The following SLC71A2 variants were observed in gnomAD, a reference collection of about 807,000 sequenced individuals.
SLC71A2 encodes the protein hippocampus abundant transcript-like 1.
chr9:94,439,025 T>G, the SLC71A2 span, among the ~76,000 whole-genome samples: 3 of 130,320 alleles, frequency 2.3e-5, no homozygotes, highest in East Asian at 4.3e-4. Context: ...TGAGTTCGTT[T>G]TTTTTTTTTT....
chr9:94,431,749 A>G, the SLC71A2 span, among the ~76,000 whole-genome samples: 8 of 149,786 alleles, frequency 5.3e-5, no homozygotes, highest in African/African-American at 2.0e-4. Flanking sequence ...TTTAATTTGG[A>G]CCACCCCCAC....
At chr9:94,407,839 A>G in the SLC71A2 span, among the ~76,000 whole-genome samples, 6 of 152,300 alleles carry the variant, frequency 3.9e-5, no homozygotes, top group African/African-American at 1.2e-4. Flanking sequence ...ATAAAAATTC[A>G]TAAGTTTTAA....
chr9:94,453,988 T>A, the SLC71A2 span: 7 of 1,613,988 alleles, frequency 4.3e-6, no homozygotes, highest in South Asian at 1.1e-5. Context: ...GATGAGATCA[T>A]TAGGAAATAA....
chr9:94,445,672 C>G, the SLC71A2 span, among the ~76,000 whole-genome samples: 8 of 152,056 alleles, frequency 5.3e-5, no homozygotes, highest in African/African-American at 1.9e-4. Flanking sequence ...CTTTTCCACC[C>G]CCTTCTTTTT....
chr9:94,378,499 A>T, the SLC71A2 span, among the ~76,000 whole-genome samples: 26 of 151,964 alleles, frequency 1.7e-4, no homozygotes, highest in Non-Finnish European at 2.9e-4. Flanking sequence ...GTGATGGTGC[A>T]TACCTGTAGT....
chr9:94,408,558 C>T, the SLC71A2 span, among the ~76,000 whole-genome samples: 3 of 152,036 alleles, frequency 2.0e-5, no homozygotes, highest in African/African-American at 7.2e-5. Context: ...TTTATATTTT[C>T]TGTTTCTTCA....
the SLC71A2 span, among the ~76,000 whole-genome samples, chr9:94,415,469 AT>A: frequency 6.6e-6 from 1 of 151,730 alleles, no homozygotes; most frequent in South Asian, 2.1e-4. Flanking sequence ...CTGCACTCTT[AT>A]TGAAGTAAAC....
chr9:94,425,173 G>T, the SLC71A2 span, among the ~76,000 whole-genome samples: 9 of 151,952 alleles, frequency 5.9e-5, no homozygotes, highest in African/African-American at 1.9e-4. Flanking sequence ...GCATGGTGAC[G>T]CACTCCTGTA....
chr9:94,441,179 A>G, the SLC71A2 span: 84 of 723,428 alleles, frequency 1.2e-4, no homozygotes, highest in Non-Finnish European at 1.7e-4. Flanking sequence ...AAGTGAGTTT[A>G]TTAGTCCTTT....
chr9:94,424,726 GCTTTT>G, the SLC71A2 span, among the ~76,000 whole-genome samples: 1 of 84,906 alleles, frequency 1.2e-5, no homozygotes, highest in African/African-American at 5.9e-5. Flanking sequence ...ATTGTTTTCT[GCTTTT>G]TTTTTTTTTT....
the SLC71A2 span, among the ~76,000 whole-genome samples, chr9:94,413,601 A>G: frequency 1.3e-4 from 19 of 145,558 alleles, 1 homozygote; most frequent in East Asian, 3.1e-3. Flanking sequence ...AGCACTTTGC[A>G]GTAAGCTGAG....
chr9:94,421,999 G>T, the SLC71A2 span, among the ~76,000 whole-genome samples: 1 of 151,966 alleles, frequency 6.6e-6, no homozygotes, highest in Non-Finnish European at 1.5e-5. Flanking sequence ...CAGCAGCTCC[G>T]CCTCCTGGGT....
At chr9:94,455,649 TTTTC>T in the SLC71A2 span, among the ~76,000 whole-genome samples, 1 of 152,192 alleles carries the variant, frequency 6.6e-6, no homozygotes, top group Non-Finnish European at 1.5e-5. Flanking sequence ...CATGTGAGGT[TTTTC>T]TTTTTCAGTA....
the SLC71A2 span, among the ~76,000 whole-genome samples, chr9:94,377,176 A>G: frequency 6.6e-6 from 1 of 151,098 alleles, no homozygotes; most frequent in Admixed American, 6.6e-5. Context: ...AGTACCCCTG[A>G]ATTATGTGTT....
At chr9:94,400,695 C>G in the SLC71A2 span, among the ~76,000 whole-genome samples, 1 of 152,112 alleles carries the variant, frequency 6.6e-6, no homozygotes, top group African/African-American at 2.4e-5. Context: ...ATTCTGCGTT[C>G]CATCCTGGGA....
chr9:94,420,561 A>AT, the SLC71A2 span, among the ~76,000 whole-genome samples: 12 of 149,536 alleles, frequency 8.0e-5, no homozygotes, highest in African/African-American at 2.0e-4. Context: ...AAGTCTGACA[A>AT]TTTTTTTTTC....
chr9:94,411,749 C>G, the SLC71A2 span, among the ~76,000 whole-genome samples: 13 of 152,046 alleles, frequency 8.6e-5, no homozygotes, highest in African/African-American at 1.2e-4. Flanking sequence ...CGCCACCAAG[C>G]CTTGCTAATT....
At chr9:94,407,629 G>A in the SLC71A2 span, among the ~76,000 whole-genome samples, 42 of 151,996 alleles carry the variant, frequency 2.8e-4, no homozygotes, top group African/African-American at 8.2e-4. Flanking sequence ...CACCCGCCTC[G>A]GCCTCCCAAA....
At chr9:94,420,497 G>C in the SLC71A2 span, among the ~76,000 whole-genome samples, 1 of 152,104 alleles carries the variant, frequency 6.6e-6, no homozygotes, top group African/African-American at 2.4e-5. Flanking sequence ...GGTTTATACA[G>C]CTGTACTGAA....
Sources: allele counts gnomAD v4.1 joint callset (sites outside exome capture counted in the v4.1 genomes callset), GRCh38; gene constraint gnomAD v4.1.1; transcripts MANE v1.5; gene names NCBI Gene and HGNC (gene_info 2026-07-23, HGNC 2026-07-21).